Variants in SSC5D observed in about 807,000 individuals in gnomAD.
SSC5D encodes scavenger receptor cysteine rich family member with 5 domains, also known as soluble scavenger receptor cysteine-rich domain-containing protein SSC5D.
Under a neutral mutation model 104.6 loss-of-function variants are expected in SSC5D, and 106 were observed. That is an observed-to-expected ratio of 1.01 (90% CI 0.87 to 1.19). The LOEUF (loss-of-function observed/expected upper bound fraction) is 1.19. Ranked by LOEUF, SSC5D falls within the 50% of genes most tolerant of loss-of-function variation. The probability of loss-of-function intolerance (pLI) is 0.00; values close to 1 mark genes in which losing one functional copy is unlikely to be tolerated. For synonymous variants in SSC5D, 860 were observed against 883.5 expected (o/e 0.97, Z 0.47); for missense variants, 1,993 against 2,153.8 (o/e 0.93, Z 1.48).
chr19:55,498,904 G>C (rs148206830), intron 9 of SSC5D, among the ~76,000 whole-genome samples: 4 of 152,328 alleles, frequency 2.6e-5, no homozygotes, highest in Admixed American at 2.6e-4. Context: ...TCAGCCAAGG[G>C]AAGAGGCGCC....
At chr19:55,510,613 C>G (rs1172547636) in intron 12 of SSC5D, among the ~76,000 whole-genome samples, 1 of 152,180 alleles carries the variant, frequency 6.6e-6, no homozygotes. Context: ...TCCTAAAATG[C>G]TGGGATTACA....
rs571509155 is a variant in SSC5D, at chr19:55,489,295, C to T, written c.53-59C>T. 199 of 1,412,938 alleles carry T rather than the reference C, an allele frequency of 1.4e-4. 1 individual carries two copies. In the South Asian group the frequency reaches 2.9e-3, roughly 20 times the overall value. 87.5% of individuals were successfully genotyped at this position (1,412,938 alleles called of 1,614,324 possible). On this transcript the variant is annotated intron_variant, in intron 2 of 13. Transcript: ENST00000389623. ...ACAGCCACCTGCCCCTACAGTTGCC[C>T]TGGCCTTGGGGCCCCCAGGATGCCC...
chr19:55,489,070 C>G lies in SSC5D; in HGVS notation c.52+38C>G, dbSNP rs1488128311. Reference sequence around the variant, plus strand: ...ACTCCTCCCATCTGCCCGCCCCCCCCCCCAGGCCTCCCCCTTCTGCCCATC... The same window carrying G: ...ACTCCTCCCATCTGCCCGCCCCCCCGCCCAGGCCTCCCCCTTCTGCCCATC... On this transcript the variant is annotated intron_variant, in intron 2 of 13. Transcript: ENST00000389623. The G allele has an allele frequency of 2.5e-5, 27 of 1,083,458 alleles. 1 individual carries two copies. The East Asian group carries it at 5.5e-4, about 22-fold the overall frequency. 67.1% of individuals were successfully genotyped at this position (1,083,458 alleles called of 1,614,324 possible).
Position 55,501,831 on chromosome 19 carries a change from C to A in SSC5D, c.2785+630C>A, listed in dbSNP as rs563023848. Among the ~76,000 whole-genome samples the A allele has an allele frequency of 3.3e-5, 5 of 152,336 alleles. No homozygotes were observed. In the South Asian group the frequency reaches 1.0e-3, roughly 32 times the overall value. Reference sequence around the variant, plus strand: ...TTTTCTTTGCCTGTCTTCCTTGTATCCCCATCTCTCAGGATCCCTGCGAAT... The same window carrying A: ...TTTTCTTTGCCTGTCTTCCTTGTATACCCATCTCTCAGGATCCCTGCGAAT... On this transcript the variant is annotated intron_variant, in intron 12 of 13. Transcript: ENST00000389623.
chr19:55,504,551 A>T (rs930671445), intron 12 of SSC5D, among the ~76,000 whole-genome samples: 1 of 152,082 alleles, frequency 6.6e-6, no homozygotes, highest in African/African-American at 2.4e-5. Context: ...CCCACGCTGG[A>T]GTGCAGTGGC....
chr19:55,500,152 C>T lies in SSC5D; in HGVS notation c.2042C>T (p.Thr681Ile). 1 of 1,551,668 alleles carries T rather than the reference C, an allele frequency of 6.4e-7. No homozygotes were observed. Among genetic ancestry groups the T allele is most frequent in the Non-Finnish European group, 8.7e-7 (1 of 1,146,960 alleles). The change falls in exon 10 of 14, where the codon ACC becomes ATC. Residue 681 changes from threonine (T) to isoleucine (I), a missense_variant. Transcript: ENST00000389623. This position sits in a 1 kb window ranked among gnomAD's most constrained non-coding sequence, Gnocchi z 4.6. ...TCCCGAAGACCTACCTCTGAGTTTA[C>T]CAGAAGGCCGACCACGGAGGCCCCC... ...EASRRPTSEF[T>I]RRPTTEAPQR...
chr19:55,509,890 A>G (rs1987719012), intron 12 of SSC5D, among the ~76,000 whole-genome samples: 1 of 151,584 alleles, frequency 6.6e-6, no homozygotes, highest in African/African-American at 2.4e-5. Flanking sequence ...AGAAAAAAAA[A>G]AGAAAGAAAT....
chr19:55,507,397 G>T (rs58024947), intron 12 of SSC5D, among the ~76,000 whole-genome samples: 15,432 of 149,224 alleles, frequency 0.1, 919 homozygotes, highest in East Asian at 0.23. Context: ...GCCGGGCGCG[G>T]TGCCTCACTC....
Position 55,503,489 on chromosome 19 carries a change from C to T in SSC5D, c.2785+2288C>T, listed in dbSNP as rs969452184. Among the ~76,000 whole-genome samples the T allele has an allele frequency of 6.6e-6, 1 of 152,060 alleles. No individual in the cohort carries two copies. Among genetic ancestry groups the T allele is most frequent in the South Asian group, 2.1e-4 (1 of 4,828 alleles). On this transcript the variant is annotated intron_variant, in intron 12 of 13. Transcript: ENST00000389623. The surrounding 1 kb of genome is among the most constrained non-coding windows in gnomAD (Gnocchi z 4.0). ...CCCGCGTGCTCTCTTCTCTCTCCCC[C>T]TCGTTTCTCTCATGGTCAGCCCCCT...
chr19:55,500,167 C>T lies in SSC5D; in HGVS notation c.2057C>T (p.Thr686Met), dbSNP rs1035724945. ...PTSEFTRRPT[T>M]EAPQRWTSHT... ...TCTGAGTTTACCAGAAGGCCGACCA[C>T]GGAGGCCCCCCAGAGATGGACCTCT... Residue 686 changes from threonine to methionine, a missense_variant, in exon 10 of 14, where the codon ACG becomes ATG. Thr to Met is a moderately conservative substitution (Grantham distance 81, BLOSUM62 -1). Transcript: ENST00000389623. The surrounding 1 kb of genome is among the most constrained non-coding windows in gnomAD (Gnocchi z 4.6). 36 of 1,551,368 alleles carry T rather than the reference C, an allele frequency of 2.3e-5. No individual in the cohort carries two copies. The East Asian group carries it at 4.6e-4, about 20-fold the overall frequency.
intron 5 of SSC5D, among the ~76,000 whole-genome samples, 163 bp from the exon 6 acceptor site, chr19:55,490,609 G>A (rs1028893912): frequency 6.6e-6 from 1 of 152,166 alleles, no homozygotes; most frequent in Non-Finnish European, 1.5e-5. Context: ...AGGCCCAGGT[G>A]TCCTGGCCCG....
chr19:55,493,937 G>C, intron 7 of SSC5D, 25 bp downstream of exon 7: 5 of 1,524,112 alleles, frequency 3.3e-6, no homozygotes, highest in Non-Finnish European at 4.4e-6. Flanking sequence ...GTGGAGGACC[G>C]GGAGGTGGGC....
chr19:55,501,005 G>C, intron 11 of SSC5D, 29 bp from the exon 12 acceptor site: 2 of 1,551,390 alleles, frequency 1.3e-6, no homozygotes, highest in Non-Finnish European at 1.7e-6. Context: ...AAGAGGATGG[G>C]GTCAACCATT....
Position 55,518,271 on chromosome 19 carries a change from C to A in SSC5D, c.3995C>A (p.Ser1332Ter), listed in dbSNP as rs778835693. ...TPHPTTPDPS[S>*]TPVITTVSLP... The stretch of plus-strand genomic sequence containing the variant: ...CACCCCACAACTCCTGACCCTTCCT[C>A]AACCCCTGTCATCACTACTGTGTCC... Residue 1332 changes from serine (S) to a stop codon, truncating the protein, a stop_gained, in exon 14 of 14, where the codon TCA becomes TAA. Coordinates refer to ENST00000389623, the MANE Select transcript of SSC5D (RefSeq NM_001144950.2). LOFTEE classifies it low-confidence loss of function (END_TRUNC). 6.4e-7 allele frequency: 1 copy of A among 1,550,814 alleles called. No individual in the cohort carries two copies. The highest frequency in any genetic ancestry group is 1.4e-5 in the African/African-American group (1 of 72,792).
chr19:55,497,992 TTC>T lies in SSC5D; in HGVS notation c.1501_1502del (p.Ala502CysfsTer32). 6.4e-7 allele frequency: 1 copy of T among 1,551,758 alleles called. No homozygotes were observed. The highest frequency in any genetic ancestry group is 8.7e-7 in the Non-Finnish European group (1 of 1,147,016). On this transcript the variant is annotated frameshift_variant, in exon 9 of 14. Coordinates refer to ENST00000389623, the MANE Select transcript of SSC5D (RefSeq NM_001144950.2). LOFTEE classifies it high-confidence loss of function. ...VCDDSWDMRD[S>X]AVVCRELGCG... ...GTGACGATAGCTGGGACATGCGGGA[TTC>T]AGCTGTGGTCTGCCGGGAGCTGGGC...
In SSC5D at chr19:55,517,225, T is replaced by A; in HGVS notation, c.2949T>A (p.Gly983=). The change falls in exon 14 of 14, where the codon GGT becomes GGA. Residue 983 remains glycine (G), a splice_region_variant and synonymous_variant. Coordinates refer to ENST00000389623, the MANE Select transcript of SSC5D (RefSeq NM_001144950.2). The part of the protein sequence containing the change: ...PPTLRVHGDT[G]SPRKPWPERR... ...CGTCTGTCTTTCCTCCTCCTCCAGGTTCCCCGAGGAAACCGTGGCCCGAGC... is the reference window on the plus strand; with the variant it reads ...CGTCTGTCTTTCCTCCTCCTCCAGGATCCCCGAGGAAACCGTGGCCCGAGC... 2 of 1,536,810 alleles carry A rather than the reference T, an allele frequency of 1.3e-6. No individual in the cohort carries two copies. The highest frequency in any genetic ancestry group is 1.9e-4 in the Middle Eastern group (1 of 5,318).
intron 13 of SSC5D, among the ~76,000 whole-genome samples, chr19:55,514,486 A>AGCTACTCG (rs1407692913): frequency 2.0e-5 from 3 of 149,074 alleles, no homozygotes; most frequent in African/African-American, 7.4e-5. Context: ...CTGTAATCCC[A>AGCTACTCG]GCTACTCGGG....
rs191825678 is a variant in SSC5D, at chr19:55,504,567, C to T, written c.2785+3366C>T. 5.6e-3 allele frequency among the ~76,000 whole-genome samples: 857 copies of T among 152,350 alleles called. 5 individuals are homozygous for T. The highest frequency in any genetic ancestry group is 0.02 in the African/African-American group (816 of 41,572). ...CCACGCTGGAGTGCAGTGGCGCTAT[C>T]TCAGCTCACTGCAACCTCTGCCTCC... is the stretch of plus-strand genomic sequence containing the variant. On this transcript the variant is annotated intron_variant, in intron 12 of 13. Coordinates refer to ENST00000389623, the MANE Select transcript of SSC5D (RefSeq NM_001144950.2).
intron 6 of SSC5D, chr19:55,491,291 G>C (rs1599912258): frequency 1.6e-6 from 1 of 616,078 alleles, no homozygotes; most frequent in Non-Finnish European, 2.8e-6. Flanking sequence ...CAGGCTTGAG[G>C]CTTGGGCTAG....
Sources: allele counts gnomAD v4.1 joint callset (sites outside exome capture counted in the v4.1 genomes callset), GRCh38; gene constraint gnomAD v4.1.1; non-coding constraint Gnocchi (gnomAD v3.1); transcripts MANE v1.5; gene names NCBI Gene and HGNC (gene_info 2026-07-23, HGNC 2026-07-21).